SHISA9: variants seen among roughly 807,000 people sequenced by gnomAD.
SHISA9 encodes protein shisa-9.
SHISA9 carries 13 observed loss-of-function variants against 38.0 expected under a neutral mutation model. That is an observed-to-expected ratio of 0.34 (90% CI 0.22 to 0.54). The LOEUF (loss-of-function observed/expected upper bound fraction) is 0.54, where lower values mean the gene tolerates loss of function less well. Among genes scored for constraint, SHISA9 ranks in the 20% least tolerant of loss-of-function variants. SHISA9 has a pLI of 0.91. For missense variants in SHISA9, 538 were observed against 575.8 expected (o/e 0.93, Z 0.67); for synonymous variants, 275 against 242.0 (o/e 1.14, Z -1.27).
the SHISA9 span, among the ~76,000 whole-genome samples, chr16:13,373,228 G>C: frequency 6.6e-6 from 1 of 152,196 alleles, no homozygotes; most frequent in African/African-American, 2.4e-5. Flanking sequence ...CTGTTTCAAA[G>C]GTTGAAAGAG....
downstream of SHISA9, among the ~76,000 whole-genome samples, chr16:13,243,139 T>C (rs2051447096): frequency 6.6e-6 from 1 of 151,660 alleles, no homozygotes; most frequent in Non-Finnish European, 1.5e-5. Flanking sequence ...CTCAGCAGGC[T>C]GAGGCAGGGA....
the SHISA9 span, among the ~76,000 whole-genome samples, chr16:13,249,355 G>A: frequency 6.6e-6 from 1 of 152,160 alleles, no homozygotes; most frequent in Non-Finnish European, 1.5e-5. Flanking sequence ...GTCATTTTGG[G>A]CAATCAATTT....
chr16:13,122,679 G>A (rs1271972631), intron 2 of SHISA9, among the ~76,000 whole-genome samples: 1 of 152,190 alleles, frequency 6.6e-6, no homozygotes, highest in Non-Finnish European at 1.5e-5. Context: ...GTTGTGCCAG[G>A]CACTGTGTTT....
the SHISA9 span, among the ~76,000 whole-genome samples, chr16:13,432,010 G>T: frequency 6.6e-6 from 1 of 152,232 alleles, no homozygotes; most frequent in African/African-American, 2.4e-5. Flanking sequence ...GCAGTGAGCT[G>T]AGATCATGCC....
At chr16:13,487,018 A>G in the SHISA9 span, among the ~76,000 whole-genome samples, 5 of 152,144 alleles carry the variant, frequency 3.3e-5, no homozygotes, top group Non-Finnish European at 7.4e-5. Flanking sequence ...TCTTTCCCTT[A>G]AAGATATTTG....
chr16:13,532,815 C>G, the SHISA9 span, among the ~76,000 whole-genome samples: 1 of 152,094 alleles, frequency 6.6e-6, no homozygotes, highest in Non-Finnish European at 1.5e-5. Flanking sequence ...TCTTTCATTC[C>G]CTGAAGATTC....
At chr16:13,339,073 G>A in the SHISA9 span, among the ~76,000 whole-genome samples, 1 of 151,860 alleles carries the variant, frequency 6.6e-6, no homozygotes, top group Non-Finnish European at 1.5e-5. Flanking sequence ...AATTTATGGG[G>A]ATTGTCAGTT....
chr16:13,362,207 C>T, the SHISA9 span, among the ~76,000 whole-genome samples: 38 of 103,328 alleles, frequency 3.7e-4, no homozygotes, highest in South Asian at 2.5e-3. Context: ...CTACTAAGAA[C>T]GACAGCCAAA....
chr16:13,487,319 G>A, the SHISA9 span, among the ~76,000 whole-genome samples: 1 of 152,210 alleles, frequency 6.6e-6, no homozygotes, highest in Admixed American at 6.5e-5. Context: ...AAAGAAAAGA[G>A]CTTTAATTGG....
At chr16:13,287,677 G>GAAT in the SHISA9 span, among the ~76,000 whole-genome samples, 3 of 152,118 alleles carry the variant, frequency 2.0e-5, no homozygotes, top group Non-Finnish European at 4.4e-5. Flanking sequence ...TTGTCCAGAG[G>GAAT]AATAGCATCA....
the SHISA9 span, among the ~76,000 whole-genome samples, chr16:13,268,694 T>G: frequency 6.6e-6 from 1 of 152,158 alleles, no homozygotes; most frequent in East Asian, 1.9e-4. Context: ...GCACAATTTC[T>G]TGTGATTTTT....
intron 2 of SHISA9, among the ~76,000 whole-genome samples, chr16:13,200,445 A>ACACACACACAC (rs1444256867): frequency 1.5e-3 from 151 of 100,836 alleles, no homozygotes; most frequent in South Asian, 2.2e-3. Flanking sequence ...CACACACAGC[A>ACACACACACAC]GCAGCAGCAG....
the SHISA9 span, among the ~76,000 whole-genome samples, chr16:13,530,096 C>G: frequency 6.6e-6 from 1 of 152,272 alleles, no homozygotes; most frequent in South Asian, 2.1e-4. Context: ...GTCAGGAGTT[C>G]GAGGCCAGCC....
At chr16:13,207,608 T>A (rs1003568295) in intron 3 of SHISA9, among the ~76,000 whole-genome samples, 1 of 152,120 alleles carries the variant, frequency 6.6e-6, no homozygotes, top group Non-Finnish European at 1.5e-5. Context: ...CCTTTTTTTC[T>A]GACCACTGTG....
At chr16:13,483,448 G>A in the SHISA9 span, among the ~76,000 whole-genome samples, 1 of 152,220 alleles carries the variant, frequency 6.6e-6, no homozygotes, top group African/African-American at 2.4e-5. Context: ...AGCAGAGAAC[G>A]GGTCACAAAT....
chr16:12,952,051 A>AT (rs559163454), intron 2 of SHISA9, among the ~76,000 whole-genome samples: 62 of 151,796 alleles, frequency 4.1e-4, no homozygotes, highest in Non-Finnish European at 6.3e-4. Context: ...GACTTAAATG[A>AT]TTTTTTTTTG....
chr16:13,554,864 A>T, the SHISA9 span, among the ~76,000 whole-genome samples: 1 of 152,188 alleles, frequency 6.6e-6, no homozygotes, highest in Non-Finnish European at 1.5e-5. Context: ...ATTTTGAATC[A>T]TGAGGGGCAT....
At chr16:13,399,705 T>C in the SHISA9 span, among the ~76,000 whole-genome samples, 1 of 152,188 alleles carries the variant, frequency 6.6e-6, no homozygotes, top group Non-Finnish European at 1.5e-5. Flanking sequence ...GCTATGGTCT[T>C]CCAGCACAGA....
At chr16:13,439,548 G>A in the SHISA9 span, among the ~76,000 whole-genome samples, 8 of 152,170 alleles carry the variant, frequency 5.3e-5, no homozygotes, top group South Asian at 1.2e-3. Flanking sequence ...GTTACCTGAA[G>A]TGATTCTAGA....
Sources: gnomAD v4.1 joint callset for allele counts (sites outside exome capture counted in the v4.1 genomes callset) on GRCh38, gnomAD v4.1.1 for gene constraint, MANE v1.5 for transcripts, NCBI Gene and HGNC (gene_info 2026-07-23, HGNC 2026-07-21) for gene names.